FKRP: variants seen among roughly 807,000 people sequenced by gnomAD.
The protein encoded by FKRP is ribitol 5-phosphate transferase FKRP.
FKRP carries 25 observed loss-of-function variants against 30.6 expected under a neutral mutation model. The ratio of observed to expected loss-of-function variants is 0.82; its 90% confidence interval spans 0.60 to 1.14. FKRP has a LOEUF of 1.14. Among genes scored for constraint, FKRP ranks in the 50% most tolerant of loss-of-function variants. FKRP has a pLI of 0.00. For missense variants in FKRP, 771 were observed against 727.8 expected (o/e 1.06, Z -0.68); for synonymous variants, 358 against 342.5 (o/e 1.05, Z -0.50).
Position 46,749,442 on chromosome 19 carries a change from C to T in FKRP, c.-40+777C>T, listed in dbSNP as rs1399298530. ...TTTTTTTTTTTTTGAGATAAGGTCTCGAGGCCAGGCGCGGTGGCTCACGCC... is the reference window on the plus strand; with the variant it reads ...TTTTTTTTTTTTTGAGATAAGGTCTTGAGGCCAGGCGCGGTGGCTCACGCC... On this transcript the variant is annotated intron_variant, in intron 3 of 3. Transcript: ENST00000318584. 6.9e-5 allele frequency among the ~76,000 whole-genome samples: 9 copies of T among 129,862 alleles called. No homozygotes were observed. In the South Asian group the frequency reaches 1.2e-3, roughly 17 times the overall value. The allele number at this position is 129,862 out of a possible 152,430, so 85.2% of individuals were successfully genotyped here.
rs1230502570 is a variant in FKRP, at chr19:46,756,172, C to T, written c.722C>T (p.Ala241Val). The T allele has an allele frequency of 6.9e-7, 1 of 1,446,454 alleles. No individual in the cohort carries two copies. The highest frequency in any genetic ancestry group is 1.3e-5 in the South Asian group (1 of 74,230). The allele number at this position is 1,446,454 out of a possible 1,614,324, so 89.6% of individuals were successfully genotyped here. ...GTGCAGCTGCTGGACTTGACCTTCG[C>T]CGCGGCGCGCCAGCCCCCGCTGGCC... is the stretch of plus-strand genomic sequence containing the variant. Reference protein sequence around the residue: ...WAVQLLDLTFAAARQPPLATA... With the variant: ...WAVQLLDLTFVAARQPPLATA... Residue 241 changes from alanine to valine, a missense_variant, in exon 4 of 4, where the codon GCC (alanine) becomes GTC (valine). Physicochemically the swap from Ala to Val is moderately conservative, Grantham distance 64 (BLOSUM62 0). Coordinates refer to ENST00000318584, the MANE Select transcript of FKRP (RefSeq NM_024301.5). This position sits in a 1 kb window ranked among gnomAD's most constrained non-coding sequence, Gnocchi z 6.6.
At chr19:46,748,140 A>G (rs564816959) in intron 2 of FKRP, 52 bp downstream of exon 2, 3 of 152,196 alleles carry the variant, frequency 2.0e-5, no homozygotes, top group Admixed American at 6.5e-5. Context: ...GCCCTTCCTC[A>G]TTCCTTAAGG....
intron 3 of FKRP, among the ~76,000 whole-genome samples, chr19:46,749,408 CTTTTTTTTTT>C (rs34544320): frequency 1.7e-5 from 2 of 114,852 alleles, no homozygotes; most frequent in African/African-American, 3.4e-5. Context: ...CCTTTGTTTC[CTTTTTTTTTT>C]TTTTTTTTTT....
upstream of FKRP, chr19:46,746,051 G>A: frequency 2.2e-6 from 2 of 905,378 alleles, no homozygotes; most frequent in East Asian, 5.0e-5. Flanking sequence ...CGGCCGTCCC[G>A]GCGGCCATTG....
At position 46,755,906 on chromosome 19, in the gene FKRP, C is replaced by T. The variant is rs199714523; in HGVS notation, c.456C>T (p.Ser152=). Residue 152 remains serine, a synonymous_variant, in exon 4 of 4, where the codon AGC becomes AGT. Coordinates refer to ENST00000318584, the MANE Select transcript of FKRP (RefSeq NM_024301.5). The stretch of plus-strand genomic sequence containing the variant: ...TGGTGGAGGCGCTCCGCGCAGGAAG[C>T]GCACGTCTGGTGGCCGCCCCGGTTG... ...ERMVEALRAG[S]ARLVAAPVAT... 34 of 1,523,416 alleles carry T rather than the reference C, an allele frequency of 2.2e-5. No individual in the cohort carries two copies. In the South Asian group the frequency reaches 3.9e-4, roughly 17 times the overall value. 94.4% of individuals were successfully genotyped at this position (1,523,416 alleles called of 1,614,324 possible).
intron 3 of FKRP, among the ~76,000 whole-genome samples, chr19:46,751,725 C>T (rs2054797102): frequency 6.6e-6 from 1 of 152,084 alleles, no homozygotes. Context: ...GCCACCGCGC[C>T]TGGCTAATTT....
At chr19:46,746,251 C>T in intron 1 of FKRP, 161 bp downstream of exon 1, 1 of 1,493,336 alleles carries the variant, frequency 6.7e-7, no homozygotes, top group South Asian at 1.2e-5. Flanking sequence ...TCAGGGGCTC[C>T]GGGCCCGCCG....
chr19:46,749,146 T>C (rs775315007), intron 3 of FKRP, among the ~76,000 whole-genome samples: 2 of 152,182 alleles, frequency 1.3e-5, no homozygotes, highest in Non-Finnish European at 2.9e-5. Context: ...CTTGAGTTTG[T>C]TGAGTTACTG....
At position 46,755,750 on chromosome 19, in the gene FKRP, T is replaced by C; in HGVS notation, c.300T>C (p.Arg100=). The C allele has an allele frequency of 6.4e-7, 1 of 1,552,704 alleles. No homozygotes were observed. The highest frequency in any genetic ancestry group is 8.7e-7 in the Non-Finnish European group (1 of 1,155,842). Residue 100 remains arginine, a synonymous_variant, in exon 4 of 4, where the codon CGT becomes CGC. Coordinates refer to ENST00000318584, the MANE Select transcript of FKRP (RefSeq NM_024301.5). ...CCCTGCCCCGCATCCCCAACGTGCGTCTGGCGCTGCTCCAGCCCGCCCTGG... is the reference window on the plus strand; with the variant it reads ...CCCTGCCCCGCATCCCCAACGTGCGCCTGGCGCTGCTCCAGCCCGCCCTGG... ...PLALPRIPNV[R]LALLQPALDR...
In FKRP at chr19:46,758,131, G is replaced by T. The variant is rs1451839322; in HGVS notation, c.*1193G>T. ...ACCTCAGCCCTCTGAAGTGACAGCT[G>T]CTATTATTTTCATTACACAGATGAA... On this transcript the variant is annotated 3_prime_UTR_variant, in exon 4 of 4. Transcript: ENST00000318584. 1 of 167,122 alleles carries T rather than the reference G, an allele frequency of 6.0e-6. No homozygotes were observed. Among genetic ancestry groups the T allele is most frequent in the African/African-American group, 2.4e-5 (1 of 41,458 alleles). 10.4% of individuals were successfully genotyped at this position (167,122 alleles called of 1,614,324 possible).
At chr19:46,746,003 C>T, upstream of FKRP, 1 of 1,066,436 alleles carries the variant, frequency 9.4e-7, no homozygotes, top group Non-Finnish European at 1.2e-6. Context: ...CCCTCACTCG[C>T]CCTCCGGGAC....
chr19:46,752,897 G>T (rs2054821398), intron 3 of FKRP, among the ~76,000 whole-genome samples: 1 of 152,110 alleles, frequency 6.6e-6, no homozygotes, highest in African/African-American at 2.4e-5. Flanking sequence ...GCTGGGTGTG[G>T]TGGCTCACTC....
intron 3 of FKRP, among the ~76,000 whole-genome samples, chr19:46,750,918 C>G (rs2054778969): frequency 6.6e-6 from 1 of 152,118 alleles, no homozygotes; most frequent in Non-Finnish European, 1.5e-5. Context: ...GAGCTGTGCT[C>G]TGGGGATACA....
chr19:46,755,936 G>A lies in FKRP; in HGVS notation c.486G>A (p.Thr162=), dbSNP rs773481816. Residue 162 remains threonine, a synonymous_variant, in exon 4 of 4, where the codon ACG becomes ACA. Transcript: ENST00000318584. ...SARLVAAPVA[T]ANPARCLALN... ...GTCTGGTGGCCGCCCCGGTTGCCAC[G>A]GCCAACCCTGCCAGGTGCCTGGCCC... 1.8e-5 allele frequency: 28 copies of A among 1,533,138 alleles called. No individual in the cohort carries two copies. In the East Asian group the frequency reaches 4.2e-4, roughly 23 times the overall value. The allele number at this position is 1,533,138 out of a possible 1,614,324, so 95.0% of individuals were successfully genotyped here. A position where few individuals can be genotyped will look rare whatever the true frequency, so the allele number is the denominator to read the frequency against.
Position 46,757,405 on chromosome 19 carries a change from G to C in FKRP, c.*467G>C, listed in dbSNP as rs916659026. On this transcript the variant is annotated 3_prime_UTR_variant, in exon 4 of 4. Coordinates refer to ENST00000318584, the MANE Select transcript of FKRP (RefSeq NM_024301.5). ...CTTCGGAGCCAGGTGGGCCTGGGGG[G>C]GCGTCGCAGTCTCTCTGTGCCTCAG... 4.1e-5 allele frequency: 8 copies of C among 194,544 alleles called. No individual in the cohort carries two copies. The highest frequency in any genetic ancestry group is 1.4e-4 in the East Asian group (1 of 7,238). The allele number at this position is 194,544 out of a possible 1,614,324, so 12.1% of individuals were successfully genotyped here.
At chr19:46,750,033 T>TAGGATGGCCAAAGGAAGAGGTTATG (rs1189464088) in intron 3 of FKRP, among the ~76,000 whole-genome samples, 1 of 152,178 alleles carries the variant, frequency 6.6e-6, no homozygotes, top group Non-Finnish European at 1.5e-5. Context: ...CATTTTTAAA[T>TAGGATGGCCAAAGGAAGAGGTTATG]GTGATCATAA....
At chr19:46,747,570 T>A (rs1209340068) in intron 1 of FKRP, 3 of 151,956 alleles carry the variant, frequency 2.0e-5, no homozygotes, top group African/African-American at 7.3e-5. Context: ...ATTTTTTTTT[T>A]ATTTTTAGTA....
intron 1 of FKRP, chr19:46,746,553 G>A (rs897347163): frequency 9.8e-5 from 42 of 427,618 alleles, no homozygotes; most frequent in African/African-American, 6.3e-4. Flanking sequence ...CAGTAGGAAG[G>A]GGGGCCGGCG....
At chr19:46,745,522 C>T (rs2054567472), upstream of FKRP, among the ~76,000 whole-genome samples, 1 of 152,088 alleles carries the variant, frequency 6.6e-6, no homozygotes, top group Non-Finnish European at 1.5e-5. Context: ...CCCCGAAACA[C>T]ACCGATCCCA....
Sources: allele counts gnomAD v4.1 joint callset (sites outside exome capture counted in the v4.1 genomes callset), GRCh38; gene constraint gnomAD v4.1.1; non-coding constraint Gnocchi (gnomAD v3.1); transcripts MANE v1.5; gene names NCBI Gene and HGNC (gene_info 2026-07-23, HGNC 2026-07-21).